The following USH2A variants were observed in gnomAD, a reference collection of about 807,000 sequenced individuals.
USH2A encodes the protein Usher syndrome 2A (autosomal recessive, mild).
USH2A carries 443 observed loss-of-function variants against 538.9 expected under a neutral mutation model. That is an observed-to-expected ratio of 0.82 (90% CI 0.76 to 0.89). The LOEUF (loss-of-function observed/expected upper bound fraction) is 0.89, where lower values mean the gene tolerates loss of function less well. Ranked by LOEUF, USH2A falls within the 40% of genes least tolerant of loss-of-function variation. USH2A has a pLI of 0.00. For synonymous variants in USH2A, 2,413 were observed against 2,273.5 expected (o/e 1.06, Z -1.75); for missense variants, 6,633 against 6,324.8 (o/e 1.05, Z -1.65).
At chr1:216,271,580 C>T (rs1180207242) in intron 11 of USH2A, among the ~76,000 whole-genome samples, 1 of 151,996 alleles carries the variant, frequency 6.6e-6, no homozygotes, top group East Asian at 1.9e-4. Flanking sequence ...AAGAGCAAAC[C>T]TCCTTGCTTT....
At chr1:216,310,497 A>T (rs1251134356) in intron 9 of USH2A, among the ~76,000 whole-genome samples, 2 of 151,932 alleles carry the variant, frequency 1.3e-5, no homozygotes, top group African/African-American at 4.8e-5. Flanking sequence ...GGTATTAATA[A>T]TTTTCTATAT....
rs150197274 is a variant in USH2A at position 216,024,912 on chromosome 1, C to T, written c.6325+21519G>A. ...TGTTTCAGTCAATTACAATATAAAA[C>T]GGTGAATGATTTTAGAAGAATATTT... is the stretch of plus-strand genomic sequence containing the variant. On this transcript the variant is annotated intron_variant, in intron 32 of 71. Coordinates refer to ENST00000307340, the MANE Select transcript of USH2A (RefSeq NM_206933.4). 6.7e-3 allele frequency among the ~76,000 whole-genome samples: 1,021 copies of T among 151,920 alleles called. 14 individuals are homozygous for T. Among genetic ancestry groups the T allele is most frequent in the Middle Eastern group, 0.01 (3 of 294 alleles).
intron 61 of USH2A, among the ~76,000 whole-genome samples, chr1:215,689,801 G>A (rs1658544517): frequency 6.6e-6 from 1 of 152,152 alleles, no homozygotes; most frequent in Admixed American, 6.5e-5. Flanking sequence ...GGAAGTAAAT[G>A]TTTCTCCATT....
intron 61 of USH2A, among the ~76,000 whole-genome samples, chr1:215,703,888 A>C (rs1659105650): frequency 1.3e-5 from 2 of 151,932 alleles, no homozygotes; most frequent in African/African-American, 4.8e-5. Flanking sequence ...CAGCTACCTC[A>C]GTGTCTGCCC....
In USH2A at chr1:215,892,212, G is replaced by GT. The variant is rs1665227486; in HGVS notation, c.7595-3159dup. ...TTTGAATGACTCACAACTTGAGTGT[G>GT]TATATAACTTTCAGTGGTTTTGTGA... On this transcript the variant is annotated intron_variant, in intron 40 of 71. Transcript: ENST00000307340. Among the ~76,000 whole-genome samples the GT allele has an allele frequency of 2.6e-5, 4 of 152,248 alleles. No individual in the cohort carries two copies. The South Asian group carries it at 8.3e-4, about 32-fold the overall frequency.
At chr1:216,337,430 C>G (rs994023942) in intron 4 of USH2A, among the ~76,000 whole-genome samples, 4 of 151,424 alleles carry the variant, frequency 2.6e-5, no homozygotes, top group Admixed American at 2.0e-4. Context: ...ACCAATCTCA[C>G]TTGGTAGCAT....
At chr1:215,738,449 A>C (rs995417249) in intron 60 of USH2A, among the ~76,000 whole-genome samples, 3 of 152,106 alleles carry the variant, frequency 2.0e-5, no homozygotes, top group Non-Finnish European at 1.5e-5. Flanking sequence ...GTTTGTTCTT[A>C]CTAGGTTATT....
intron 32 of USH2A, among the ~76,000 whole-genome samples, chr1:216,019,538 G>C (rs963007590): frequency 6.6e-6 from 1 of 152,126 alleles, no homozygotes; most frequent in African/African-American, 2.4e-5. Context: ...TTGGATCTTA[G>C]TTTATTCATC....
chr1:216,325,294 T>C lies in USH2A; in HGVS notation c.1143+11A>G. ...CAGGAAATTAATGTACACCTTATCG[T>C]TTCTCATTACCTGATACTGTCCATT... On this transcript the variant is annotated intron_variant, in intron 6 of 71. Transcript: ENST00000307340. 6 of 1,613,266 alleles carry C rather than the reference T, an allele frequency of 3.7e-6. No individual in the cohort carries two copies. The highest frequency in any genetic ancestry group is 5.1e-6 in the Non-Finnish European group (6 of 1,179,680).
At chr1:216,142,887 C>CA (rs1408259619) in intron 21 of USH2A, among the ~76,000 whole-genome samples, 3 of 152,042 alleles carry the variant, frequency 2.0e-5, no homozygotes, top group Non-Finnish European at 4.4e-5. Context: ...AATTTCCCCC[C>CA]ACGTGTTTTA....
intron 70 of USH2A, among the ~76,000 whole-genome samples, chr1:215,629,468 A>T (rs1656186063): frequency 6.6e-6 from 1 of 152,158 alleles, no homozygotes. Flanking sequence ...ACAGCCAAAG[A>T]TAACAATATT....
chr1:215,918,042 C>T (rs781032460), intron 38 of USH2A, among the ~76,000 whole-genome samples: 1 of 151,764 alleles, frequency 6.6e-6, no homozygotes, highest in Non-Finnish European at 1.5e-5. Flanking sequence ...CTCTATGGTG[C>T]CATTGAATCC....
intron 6 of USH2A, among the ~76,000 whole-genome samples, chr1:216,324,688 A>C (rs1396129682): frequency 6.6e-6 from 1 of 152,208 alleles, no homozygotes; most frequent in Non-Finnish European, 1.5e-5. Flanking sequence ...CTACTTAATA[A>C]AAATAATTAT....
At chr1:215,773,496 C>G (rs1401286984) in intron 55 of USH2A, among the ~76,000 whole-genome samples, 45 of 143,054 alleles carry the variant, frequency 3.1e-4, no homozygotes, top group African/African-American at 1.1e-3. Flanking sequence ...CTCTCTGTCT[C>G]TCTCTCTCTC....
intron 37 of USH2A, among the ~76,000 whole-genome samples, chr1:215,961,334 G>A (rs1247220978): frequency 2.6e-5 from 4 of 151,466 alleles, no homozygotes; most frequent in Admixed American, 2.0e-4. Flanking sequence ...ATACACAACA[G>A]AAATATGCAA....
rs56110889 is a variant in USH2A at position 216,084,852 on chromosome 1, G to T, written c.5013C>A (p.Gly1671=). ...TCATAAAATGTACATCCTTGAGACAGCCCACAAAACCTTTTTGGATTATCT... is the reference window on the plus strand; with the variant it reads ...TCATAAAATGTACATCCTTGAGACATCCCACAAAACCTTTTTGGATTATCT... The part of the protein sequence containing the change: ...DPEIIQKGFV[G]CLKDVHFMKN... The change falls in exon 25 of 72, where the codon GGC becomes GGA. Residue 1671 remains glycine (G), a synonymous_variant. Coordinates refer to ENST00000307340, the MANE Select transcript of USH2A (RefSeq NM_206933.4). 262,423 of 1,611,682 alleles carry T rather than the reference G, an allele frequency of 0.16. 23,188 individuals carry two copies. Among genetic ancestry groups the T allele is most frequent in the African/African-American group, 0.2 (14,850 of 74,858 alleles).
intron 55 of USH2A, among the ~76,000 whole-genome samples, chr1:215,773,983 T>A (rs1170773283): frequency 6.6e-6 from 1 of 152,184 alleles, no homozygotes; most frequent in South Asian, 2.1e-4. Flanking sequence ...GTTCACATGC[T>A]AAAGCCATCT....
At chr1:216,085,752 T>C (rs1236024276) in intron 24 of USH2A, among the ~76,000 whole-genome samples, 1 of 137,610 alleles carries the variant, frequency 7.3e-6, no homozygotes, top group Non-Finnish European at 1.6e-5. Context: ...GTGTGTGTGT[T>C]TTAGAGGGAC....
At chr1:216,110,863 T>C (rs2032850538) in intron 21 of USH2A, among the ~76,000 whole-genome samples, 1 of 152,146 alleles carries the variant, frequency 6.6e-6, no homozygotes, top group Non-Finnish European at 1.5e-5. Context: ...GAAATTGCAG[T>C]CGAAGAGAAA....
Sources: gnomAD v4.1 joint callset for allele counts (sites outside exome capture counted in the v4.1 genomes callset) on GRCh38, gnomAD v4.1.1 for gene constraint, MANE v1.5 for transcripts, NCBI Gene and HGNC (gene_info 2026-07-23, HGNC 2026-07-21) for gene names.